Variants in JAKMIP3 observed in about 807,000 individuals in gnomAD.
JAKMIP3 encodes Janus kinase and microtubule interacting protein 3.
JAKMIP3 carries 58 observed loss-of-function variants against 118.5 expected under a neutral mutation model. The ratio of observed to expected loss-of-function variants is 0.49; its 90% CI spans 0.40 to 0.61. The LOEUF (loss-of-function observed/expected upper bound fraction) is 0.61, where lower values mean the gene tolerates loss of function less well. JAKMIP3 is among the 20% of genes least tolerant of loss of function. The pLI is 0.00. For missense variants in JAKMIP3, 950 were observed against 1,109.0 expected, an observed-to-expected ratio of 0.86 and a Z score of 2.04; for synonymous variants, 486 against 451.2, an observed-to-expected ratio of 1.08 and a Z score of -0.98.
intron 13 of JAKMIP3, among the ~76,000 whole-genome samples, chr10:132,147,226 T>C (rs2136073164): frequency 6.6e-6 from 1 of 152,280 alleles, no homozygotes; most frequent in Non-Finnish European, 1.5e-5. Flanking sequence ...GCAATGCTTC[T>C]GAGTTTATCT....
At position 132,166,097 on chromosome 10, in the gene JAKMIP3, G is replaced by C. The variant is rs183689072; in HGVS notation, c.2491-886G>C. ...CCAGTACTTTAGGAGGCCTAGATGG[G>C]AGGATCGCTTGAGCCCAGGATTTCA... On this transcript the variant is annotated intron_variant, in intron 21 of 23. Coordinates refer to ENST00000684848, the MANE Select transcript of JAKMIP3 (RefSeq NM_001323087.2). Among the ~76,000 whole-genome samples the C allele has an allele frequency of 2.8e-4, 43 of 152,352 alleles. 1 individual carries two copies. The highest frequency in any genetic ancestry group is 3.4e-3 in the Middle Eastern group (1 of 294).
At chr10:132,094,854 G>T (rs933992888) in intron 1 of JAKMIP3, among the ~76,000 whole-genome samples, 1 of 152,130 alleles carries the variant, frequency 6.6e-6, no homozygotes, top group Non-Finnish European at 1.5e-5. Context: ...ACCATCAGGT[G>T]GGGGCGGGGC....
At chr10:132,060,877 G>A (rs1034152985), upstream of JAKMIP3, among the ~76,000 whole-genome samples, 1 of 152,068 alleles carries the variant, frequency 6.6e-6, no homozygotes, top group Non-Finnish European at 1.5e-5. Context: ...AAAATTAGCT[G>A]AGCATGGTGG....
chr10:132,166,734 C>A (rs917047166), intron 21 of JAKMIP3, among the ~76,000 whole-genome samples: 2 of 152,136 alleles, frequency 1.3e-5, no homozygotes, highest in African/African-American at 4.8e-5. Flanking sequence ...GGCCCCTGAC[C>A]AGCGCCCACC....
At chr10:132,167,843 C>G (rs1405607718) in intron 22 of JAKMIP3, 110 bp from the exon 23 acceptor site, 8 of 724,516 alleles carry the variant, frequency 1.1e-5, no homozygotes, top group African/African-American at 9.9e-5. Context: ...TCGGCCCTCG[C>G]CCCTCGCCCC....
chr10:132,181,822 C>A (rs920339458), intron 23 of JAKMIP3, among the ~76,000 whole-genome samples: 1 of 140,190 alleles, frequency 7.1e-6, no homozygotes, highest in African/African-American at 2.9e-5. Flanking sequence ...TCACTCCCGC[C>A]CCTCTGCCTC....
intron 1 of JAKMIP3, among the ~76,000 whole-genome samples, chr10:132,066,486 A>G (rs1405238538): frequency 6.6e-6 from 1 of 152,214 alleles, no homozygotes; most frequent in Non-Finnish European, 1.5e-5. Context: ...ACAGCCCGGG[A>G]GGCCTGCGGC....
intron 2 of JAKMIP3, among the ~76,000 whole-genome samples, chr10:132,113,005 C>T (rs758817808): frequency 6.6e-6 from 1 of 152,144 alleles, no homozygotes; most frequent in Admixed American, 6.5e-5. Context: ...CTTTCTAAAG[C>T]GTGACTTACT....
At chr10:132,105,090 G>T (rs1022311210) in intron 2 of JAKMIP3, 147 bp downstream of exon 2, 84 of 943,780 alleles carry the variant, frequency 8.9e-5, no homozygotes, top group Non-Finnish European at 1.2e-4. Context: ...ACCACTTGGT[G>T]GGGGGTGGGG....
rs1041480801 is a variant in JAKMIP3 at position 132,155,108 on chromosome 10, G to C, written c.2220+1118G>C. Among the ~76,000 whole-genome samples, 6 of 84,494 alleles carry C rather than the reference G, an allele frequency of 7.1e-5. No individual in the cohort carries two copies. In the Admixed American group the frequency reaches 7.4e-4, roughly 10 times the overall value. The allele number at this position is 84,494 out of a possible 152,430, so 55.4% of individuals were successfully genotyped here. On this transcript the variant is annotated intron_variant, in intron 19 of 23. Coordinates refer to ENST00000684848, the MANE Select transcript of JAKMIP3 (RefSeq NM_001323087.2). ...TGGAGGTAGTGATGATGATGGTGGC[G>C]ATGATGGTCATGATGATGGTGATGG...
intron 3 of JAKMIP3, among the ~76,000 whole-genome samples, chr10:132,122,087 T>A (rs139203938): frequency 2.7e-3 from 407 of 152,364 alleles, no homozygotes; most frequent in Middle Eastern, 3.4e-3. Context: ...AATAAATTTT[T>A]GTTGAATGGA....
chr10:132,078,570 C>A (rs57090962), intron 1 of JAKMIP3, among the ~76,000 whole-genome samples: 2,892 of 146,774 alleles, frequency 0.02, 65 homozygotes, highest in African/African-American at 0.067. Context: ...CCATTCCCTG[C>A]GCATAACACG....
At chr10:132,180,714 T>TGTGTGCGCGC (rs2061130911) in intron 23 of JAKMIP3, among the ~76,000 whole-genome samples, 1 of 26,636 alleles carries the variant, frequency 3.8e-5, no homozygotes, top group African/African-American at 2.2e-4. Context: ...TGTGCGCGTG[T>TGTGTGCGCGC]GTGTGCGTGT....
intron 2 of JAKMIP3, among the ~76,000 whole-genome samples, chr10:132,111,522 G>A (rs2135178533): frequency 6.6e-6 from 1 of 152,250 alleles, no homozygotes; most frequent in African/African-American, 2.4e-5. Context: ...GGTGGCCATG[G>A]GCCCCGGGGG....
At chr10:132,082,627 T>C (rs1338731495) in intron 1 of JAKMIP3, among the ~76,000 whole-genome samples, 1 of 152,166 alleles carries the variant, frequency 6.6e-6, no homozygotes, top group Non-Finnish European at 1.5e-5. Context: ...CTTTTTTTTT[T>C]TGAGACAGTG....
At chr10:132,045,900 C>T (rs2037895343) in intron 1 of JAKMIP3, among the ~76,000 whole-genome samples, 1 of 150,496 alleles carries the variant, frequency 6.6e-6, no homozygotes, top group African/African-American at 2.5e-5. Flanking sequence ...CATCACTGCA[C>T]TCCAGCCTGG....
chr10:132,151,526 G>T (rs529880704), intron 16 of JAKMIP3, among the ~76,000 whole-genome samples: 1 of 152,334 alleles, frequency 6.6e-6, no homozygotes, highest in South Asian at 2.1e-4. Context: ...GCCACAGCAG[G>T]GTGGCCGTGG....
At chr10:132,134,901 C>T in intron 4 of JAKMIP3, 140 bp from the exon 5 acceptor site, 2 of 1,116,004 alleles carry the variant, frequency 1.8e-6, no homozygotes, top group Non-Finnish European at 2.5e-6. Flanking sequence ...CCGGGGGGCT[C>T]CGAACCTTCC....
intron 16 of JAKMIP3, among the ~76,000 whole-genome samples, chr10:132,150,686 A>G (rs781233975): frequency 2.0e-5 from 3 of 151,866 alleles, no homozygotes; most frequent in Non-Finnish European, 4.4e-5. Context: ...CAATTCATTT[A>G]TCCGTCCTCC....
Sources: allele counts gnomAD v4.1 joint callset (sites outside exome capture counted in the v4.1 genomes callset), GRCh38; gene constraint gnomAD v4.1.1; transcripts MANE v1.5; gene names NCBI Gene and HGNC (gene_info 2026-07-23, HGNC 2026-07-21).